LSAMP: variants seen among roughly 807,000 people sequenced by gnomAD.
The protein encoded by LSAMP is limbic system-associated membrane protein.
A neutral mutation model predicts 38.6 loss-of-function variants in LSAMP; 7 were observed. The ratio of observed to expected loss-of-function variants is 0.18; its 90% CI spans 0.10 to 0.34. LSAMP has a LOEUF of 0.34. Ranked by LOEUF, LSAMP falls within the 10% of genes least tolerant of loss-of-function variation. The pLI, the probability that LSAMP is intolerant of heterozygous loss-of-function variation, is 1.00. For missense variants in LSAMP, 313 were observed against 420.0 expected, an observed-to-expected ratio of 0.75 and a Z score of 2.23; for synonymous variants, 154 against 166.8, an observed-to-expected ratio of 0.92 and a Z score of 0.59.
At chr3:115,939,570 T>TTCTTTCTTTCTTTCTTCC (rs1553751076) in intron 3 of LSAMP, among the ~76,000 whole-genome samples, 1 of 136,764 alleles carries the variant, frequency 7.3e-6, no homozygotes, top group African/African-American at 2.7e-5. Flanking sequence ...CTTTCTTTCT[T>TTCTTTCTTTCTTTCTTCC]TCTTTCTTTC....
chr3:115,852,125 C>A (rs1935351606), intron 4 of LSAMP, among the ~76,000 whole-genome samples: 1 of 152,184 alleles, frequency 6.6e-6, no homozygotes, highest in Admixed American at 6.5e-5. Context: ...GATGGACATT[C>A]CAGTTAAACC....
intron 1 of LSAMP, among the ~76,000 whole-genome samples, chr3:116,377,215 A>G (rs934997070): frequency 2.6e-5 from 4 of 151,808 alleles, no homozygotes; most frequent in Non-Finnish European, 4.4e-5. Context: ...CTTTTTCCTA[A>G]TGCTCTCCCT....
intron 1 of LSAMP, among the ~76,000 whole-genome samples, chr3:116,269,086 A>T (rs1254693197): frequency 6.6e-6 from 1 of 152,010 alleles, no homozygotes; most frequent in East Asian, 1.9e-4. Flanking sequence ...TTCCTTTTTC[A>T]TCATCACCTC....
chr3:116,066,845 C>T (rs1329365866), intron 2 of LSAMP, among the ~76,000 whole-genome samples: 1 of 152,180 alleles, frequency 6.6e-6, no homozygotes, highest in East Asian at 1.9e-4. Flanking sequence ...GTTTATTTAT[C>T]CAACTCCTAT....
At chr3:116,138,380 G>A (rs1199685778) in intron 1 of LSAMP, among the ~76,000 whole-genome samples, 1 of 151,790 alleles carries the variant, frequency 6.6e-6, no homozygotes, top group Non-Finnish European at 1.5e-5. Flanking sequence ...ATAAAATTTG[G>A]CATCAACTTT....
intron 3 of LSAMP, among the ~76,000 whole-genome samples, chr3:115,945,280 C>A (rs1938057603): frequency 6.6e-6 from 1 of 152,104 alleles, no homozygotes; most frequent in Admixed American, 6.6e-5. Flanking sequence ...TAGGTGCTCA[C>A]AAATATCTAT....
At chr3:116,160,652 C>T (rs1321740327) in intron 1 of LSAMP, among the ~76,000 whole-genome samples, 4 of 152,108 alleles carry the variant, frequency 2.6e-5, no homozygotes, top group African/African-American at 4.8e-5. Context: ...TGCACATATA[C>T]CCCTGAACCT....
intron 1 of LSAMP, among the ~76,000 whole-genome samples, chr3:116,261,680 A>G (rs150352642): frequency 0.011 from 1,670 of 152,192 alleles, 17 homozygotes; most frequent in Middle Eastern, 0.041. Flanking sequence ...TAAGTTCTTC[A>G]AAAAAATTCT....
intron 1 of LSAMP, among the ~76,000 whole-genome samples, chr3:116,282,769 A>C (rs58628092): frequency 0.026 from 3,902 of 150,218 alleles, 87 homozygotes; most frequent in East Asian, 0.13. Context: ...CCCACCCCCC[A>C]AAAAAATGAG....
intron 3 of LSAMP, among the ~76,000 whole-genome samples, chr3:115,945,882 T>C (rs1231713917): frequency 1.3e-5 from 2 of 152,174 alleles, no homozygotes; most frequent in African/African-American, 4.8e-5. Flanking sequence ...ACCTACTTAG[T>C]TCAGTTAAAT....
At chr3:116,050,229 T>C (rs1941369251) in intron 2 of LSAMP, among the ~76,000 whole-genome samples, 1 of 152,244 alleles carries the variant, frequency 6.6e-6, no homozygotes, top group South Asian at 2.1e-4. Flanking sequence ...TCAGAGGCTC[T>C]CTGCACACAG....
rs1031378127 is a variant in LSAMP at position 116,189,781 on chromosome 3, C to T, written c.156-103225G>A. Among the ~76,000 whole-genome samples, 11 of 152,186 alleles carry T rather than the reference C, an allele frequency of 7.2e-5. No individual in the cohort carries two copies. The East Asian group carries it at 1.9e-3, about 27-fold the overall frequency. ...TGTCATGGGGTGATATCAGATTCAT[C>T]ACATGTAAATGACAAGTAAAAGAGA... On this transcript the variant is annotated intron_variant, in intron 1 of 6. Coordinates refer to ENST00000490035, the MANE Select transcript of LSAMP (RefSeq NM_002338.5).
In LSAMP at chr3:116,086,597, C is replaced by T. The variant is rs1209716516; in HGVS notation, c.156-41G>A. 3 of 1,498,550 alleles carry T rather than the reference C, an allele frequency of 2.0e-6. No individual in the cohort carries two copies. The African/African-American group carries it at 4.1e-5, about 21-fold the overall frequency. 92.8% of individuals were successfully genotyped at this position (1,498,550 alleles called of 1,614,324 possible). A position where few individuals can be genotyped will look rare whatever the true frequency, so the allele number is the denominator to read the frequency against. On this transcript the variant is annotated intron_variant, in intron 1 of 6. Coordinates refer to ENST00000490035, the MANE Select transcript of LSAMP (RefSeq NM_002338.5). ...AACAATATTAGTGCCTTAACAACAA[C>T]TATTTCTGCGTTTCTTCTCTAGGTG...
chr3:116,026,048 G>A (rs1206883939), intron 2 of LSAMP, among the ~76,000 whole-genome samples: 2 of 152,074 alleles, frequency 1.3e-5, no homozygotes, highest in Non-Finnish European at 2.9e-5. Flanking sequence ...ACCTCTCAAA[G>A]TGCCGAGATT....
chr3:115,874,148 A>G (rs548724247), intron 3 of LSAMP, among the ~76,000 whole-genome samples: 1 of 152,262 alleles, frequency 6.6e-6, no homozygotes, highest in African/African-American at 2.4e-5. Flanking sequence ...GTTTGATATA[A>G]CAGAGTTGGA....
chr3:116,263,648 A>G (rs896851788), intron 1 of LSAMP, among the ~76,000 whole-genome samples: 3 of 146,994 alleles, frequency 2.0e-5, no homozygotes, highest in Non-Finnish European at 3.0e-5. Context: ...ACATATCAAA[A>G]TTAAACCAAC....
chr3:116,164,743 C>CATATATAT lies in LSAMP; in HGVS notation c.156-78195_156-78188dup, dbSNP rs1329964354. Among the ~76,000 whole-genome samples the CATATATAT allele has an allele frequency of 2.7e-4, 13 of 48,444 alleles. No homozygotes were observed. In the East Asian group the frequency reaches 5.0e-3, roughly 19 times the overall value. 31.8% of individuals were successfully genotyped at this position (48,444 alleles called of 152,430 possible). On this transcript the variant is annotated intron_variant, in intron 1 of 6. Transcript: ENST00000490035. Reference sequence around the variant, plus strand: ...TATATAATCCAAATATATATATATCCATATATATATATATATATTTTTTTT... The same window carrying CATATATAT: ...TATATAATCCAAATATATATATATCCATATATATATATATATATATATATATTTTTTTT...
intron 1 of LSAMP, among the ~76,000 whole-genome samples, chr3:116,327,276 C>T (rs77391246): frequency 0.026 from 3,929 of 152,238 alleles, 158 homozygotes; most frequent in African/African-American, 0.086. Flanking sequence ...CTGTCATGCC[C>T]ATGTTCCTGC....
chr3:116,293,309 G>T (rs1036953306), intron 1 of LSAMP, among the ~76,000 whole-genome samples: 1 of 152,180 alleles, frequency 6.6e-6, no homozygotes, highest in African/African-American at 2.4e-5. Flanking sequence ...GGCATCAGTT[G>T]TCCTGAAGAT....
Sources: allele counts gnomAD v4.1 joint callset (sites outside exome capture counted in the v4.1 genomes callset), GRCh38; gene constraint gnomAD v4.1.1; transcripts MANE v1.5; gene names NCBI Gene and HGNC (gene_info 2026-07-23, HGNC 2026-07-21).